PFKP: variants seen among roughly 807,000 people sequenced by gnomAD.
The protein encoded by PFKP is phosphofructokinase, platelet, also known as ATP-dependent 6-phosphofructokinase, platelet type.
Under a neutral mutation model 94.3 loss-of-function variants are expected in PFKP, and 101 were observed. That is an observed-to-expected ratio of 1.07 (90% confidence interval 0.91 to 1.26). The LOEUF (loss-of-function observed/expected upper bound fraction) is 1.26. Among genes scored for constraint, PFKP ranks in the 50% most tolerant of loss-of-function variants. The probability of loss-of-function intolerance (pLI) is 0.00; values close to 1 mark genes in which losing one functional copy is unlikely to be tolerated. For synonymous variants in PFKP, 573 were observed against 432.6 expected (o/e 1.32, Z -4.03); for missense variants, 1,145 against 1,103.3 (o/e 1.04, Z -0.53).
At chr10:3,100,056 G>GGTGTGTGTGTGT (rs55739223) in intron 3 of PFKP, among the ~76,000 whole-genome samples, 232 of 137,796 alleles carry the variant, frequency 1.7e-3, no homozygotes, top group Middle Eastern at 7.6e-3. Context: ...GTAGGTGTGT[G>GGTGTGTGTGTGT]GTGTGTGTGT....
chr10:3,119,010 A>G (rs1242794084), intron 15 of PFKP, 141 bp downstream of exon 15: 6 of 626,198 alleles, frequency 9.6e-6, no homozygotes, highest in Admixed American at 2.8e-5. Flanking sequence ...AGAATTGTAG[A>G]ACAGCAGGAT....
intron 16 of PFKP, among the ~76,000 whole-genome samples, chr10:3,128,260 A>AT (rs1325651573): frequency 3.9e-5 from 6 of 152,200 alleles, no homozygotes; most frequent in Non-Finnish European, 5.9e-5. Flanking sequence ...CTAGTGAGGA[A>AT]GATCCTCCCA....
At position 3,134,485 on chromosome 10, in the gene PFKP, T is replaced by TG; in HGVS notation, c.2029dup (p.Ala677GlyfsTer6). ...CATATAACTCTAACCACCAACAGGG[T>TG]GGGGCACCCTCTCCATTTGATAGAA... On this transcript the variant is annotated frameshift_variant, in exon 20 of 22. Transcript: ENST00000381125. LOFTEE classifies it high-confidence loss of function. The TG allele has an allele frequency of 6.2e-7, 1 of 1,602,668 alleles. No homozygotes were observed. The highest frequency in any genetic ancestry group is 2.2e-5 in the East Asian group (1 of 44,818).
intron 2 of PFKP, among the ~76,000 whole-genome samples, chr10:3,083,854 G>GCTGGTCTCGAACTC (rs1307427368): frequency 1.3e-5 from 2 of 152,116 alleles, no homozygotes; most frequent in African/African-American, 4.8e-5. Flanking sequence ...TGTTGGCCAG[G>GCTGGTCTCGAACTC]CTGGTCTCGA....
chr10:3,128,705 C>T (rs955653131), intron 16 of PFKP, among the ~76,000 whole-genome samples: 1 of 152,244 alleles, frequency 6.6e-6, no homozygotes, highest in Non-Finnish European at 1.5e-5. Context: ...CCCTCATCTG[C>T]TGATGCAGGT....
Position 3,089,866 on chromosome 10 carries a change from T to C in PFKP, c.186+7405T>C, listed in dbSNP as rs531234962. ...CATTAACCATCCTTCTTTACACCCC[T>C]GCTTCCTTCTACTTTTCCCAGCCTC... is the stretch of plus-strand genomic sequence containing the variant. On this transcript the variant is annotated intron_variant, in intron 2 of 21. Coordinates refer to ENST00000381125, the MANE Select transcript of PFKP (RefSeq NM_002627.5). 2.6e-4 allele frequency among the ~76,000 whole-genome samples: 40 copies of C among 152,270 alleles called. No individual in the cohort carries two copies. In the South Asian group the frequency reaches 7.7e-3, roughly 29 times the overall value.
rs148428194 is a variant in PFKP at position 3,120,369 on chromosome 10, C to CTTTGTGTGTGTGTG, written c.1683+326_1683+327insTTGTGTGTGTGTGT. On this transcript the variant is annotated intron_variant, in intron 16 of 21. Coordinates refer to ENST00000381125, the MANE Select transcript of PFKP (RefSeq NM_002627.5). Reference sequence around the variant, plus strand: ...GTGATTGTACCAGCATTAAAAATCGCTGTGTGTGTGTGTGTGTGTGTGTGT... The same window carrying CTTTGTGTGTGTGTG: ...GTGATTGTACCAGCATTAAAAATCGCTTTGTGTGTGTGTGTGTGTGTGTGTGTGTGTGTGTGTGT... 8.6e-4 allele frequency among the ~76,000 whole-genome samples: 93 copies of CTTTGTGTGTGTGTG among 108,584 alleles called. 1 individual carries two copies. The highest frequency in any genetic ancestry group is 2.7e-3 in the African/African-American group (87 of 32,766). 71.2% of individuals were successfully genotyped at this position (108,584 alleles called of 152,430 possible). A position where few individuals can be genotyped will look rare whatever the true frequency, so the allele number is the denominator to read the frequency against.
rs1186808124 is a variant in PFKP at position 3,112,945 on chromosome 10, C to T, written c.1155-174C>T. The stretch of plus-strand genomic sequence containing the variant: ...TTTCCACCAGACACGGACAGCACCG[C>T]GGGTCGCGGCTAAGGGCTCTGCCAT... On this transcript the variant is annotated intron_variant, in intron 11 of 21. Coordinates refer to ENST00000381125, the MANE Select transcript of PFKP (RefSeq NM_002627.5). Among the ~76,000 whole-genome samples, 7 of 152,232 alleles carry T rather than the reference C, an allele frequency of 4.6e-5. No homozygotes were observed. The South Asian group carries it at 6.2e-4, about 14-fold the overall frequency.
intron 8 of PFKP, among the ~76,000 whole-genome samples, 166 bp downstream of exon 8, chr10:3,107,475 A>T (rs1435249457): frequency 1.3e-5 from 2 of 152,228 alleles, no homozygotes; most frequent in Non-Finnish European, 2.9e-5. Flanking sequence ...GGAAACACGC[A>T]GCTCCCGCTC....
At chr10:3,107,097 A>C (rs1835708941) in intron 7 of PFKP, 117 bp from the exon 8 acceptor site, 6 of 663,384 alleles carry the variant, frequency 9.0e-6, no homozygotes, top group Non-Finnish European at 1.6e-5. Context: ...AAGTTAGGCA[A>C]AGATTCCTGC....
intron 10 of PFKP, among the ~76,000 whole-genome samples, chr10:3,110,854 A>G (rs1242526070): frequency 6.8e-6 from 1 of 146,772 alleles, no homozygotes; most frequent in Non-Finnish European, 1.5e-5. Context: ...ATGCATGAGT[A>G]TGCATGTTTG....
chr10:3,124,421 C>T (rs1837722280), intron 16 of PFKP, among the ~76,000 whole-genome samples: 1 of 152,246 alleles, frequency 6.6e-6, no homozygotes, highest in South Asian at 2.1e-4. Flanking sequence ...AACCGCTCCC[C>T]TTTCTGATAC....
At chr10:3,112,452 G>A (rs951778460) in intron 11 of PFKP, among the ~76,000 whole-genome samples, 166 bp downstream of exon 11, 3 of 152,178 alleles carry the variant, frequency 2.0e-5, no homozygotes, top group Admixed American at 1.3e-4. Flanking sequence ...CCTGGTGACT[G>A]GTTAGAGAGA....
chr10:3,097,462 T>C (rs912363396), intron 2 of PFKP, among the ~76,000 whole-genome samples: 1 of 152,040 alleles, frequency 6.6e-6, no homozygotes, highest in African/African-American at 2.4e-5. Context: ...ACAATAATAA[T>C]AATAATAATC....
chr10:3,118,882 T>A lies in PFKP; in HGVS notation c.1530+13T>A. On this transcript the variant is annotated intron_variant, in intron 15 of 21. Coordinates refer to ENST00000381125, the MANE Select transcript of PFKP (RefSeq NM_002627.5). ...CGGTGGATTCGAGGTACGTTACCGT[T>A]TCTCTCTTGCCGGTCTTGCAGGTGT... is the stretch of plus-strand genomic sequence containing the variant. 6.2e-7 allele frequency: 1 copy of A among 1,604,424 alleles called. No homozygotes were observed. Among genetic ancestry groups the A allele is most frequent in the South Asian group, 1.1e-5 (1 of 90,490 alleles).
chr10:3,107,730 C>T (rs1835777891), intron 8 of PFKP: 3 of 933,448 alleles, frequency 3.2e-6, no homozygotes, highest in African/African-American at 4.8e-5. Flanking sequence ...TAACCCAGAG[C>T]ATCAGCTGAG....
In PFKP at chr10:3,130,213, A is replaced by G. The variant is rs1807558874; in HGVS notation, c.1848+230A>G. Among the ~76,000 whole-genome samples the G allele has an allele frequency of 2.1e-5, 3 of 141,014 alleles. No individual in the cohort carries two copies. The South Asian group carries it at 6.9e-4, about 32-fold the overall frequency. The allele number at this position is 141,014 out of a possible 152,430, so 92.5% of individuals were successfully genotyped here. A position where few individuals can be genotyped will look rare whatever the true frequency, so the allele number is the denominator to read the frequency against. On this transcript the variant is annotated intron_variant, in intron 17 of 21. Coordinates refer to ENST00000381125, the MANE Select transcript of PFKP (RefSeq NM_002627.5). The stretch of plus-strand genomic sequence containing the variant: ...CTTCTAGTCTCATGTGTGAAACACA[A>G]GCTTGTTTGTTTGACATAGTCTGTT...
intron 3 of PFKP, among the ~76,000 whole-genome samples, chr10:3,099,754 AG>A (rs1834797456): frequency 1.3e-5 from 2 of 151,404 alleles, no homozygotes; most frequent in Admixed American, 1.3e-4. Context: ...GAATTCACAC[AG>A]GGGAGCGTTT....
At chr10:3,069,377 C>G (rs1295014815) in intron 1 of PFKP, 5 of 1,588,614 alleles carry the variant, frequency 3.1e-6, no homozygotes, top group Non-Finnish European at 4.3e-6. Flanking sequence ...TAAACCGGCC[C>G]GGAGATGTGC....
Sources: allele counts gnomAD v4.1 joint callset (sites outside exome capture counted in the v4.1 genomes callset), GRCh38; gene constraint gnomAD v4.1.1; transcripts MANE v1.5; gene names NCBI Gene and HGNC (gene_info 2026-07-23, HGNC 2026-07-21).